The following PHLDA3 variants were observed in gnomAD, a reference collection of about 807,000 sequenced individuals.
The protein encoded by PHLDA3 is pleckstrin homology like domain family A member 3.
PHLDA3 carries 12 observed loss-of-function variants against 7.6 expected under a neutral mutation model. The ratio of observed to expected loss-of-function variants is 1.58; its 90% CI spans 1.01 to 2.55. The LOEUF (loss-of-function observed/expected upper bound fraction) is 2.55, where lower values mean the gene tolerates loss of function less well. PHLDA3 is among the 30% of genes most tolerant of loss of function. PHLDA3 has a pLI of 0.00. For synonymous variants in PHLDA3, 104 were observed against 85.1 expected, an observed-to-expected ratio of 1.22 and a Z score of -1.23; for missense variants, 177 against 175.6, an observed-to-expected ratio of 1.01 and a Z score of -0.05.
chr1:201,467,878 A>T (rs1473803518), intron 1 of PHLDA3, among the ~76,000 whole-genome samples: 1 of 152,204 alleles, frequency 6.6e-6, no homozygotes. Context: ...CAAGCATTCA[A>T]CCTAGAGGGA....
Position 201,464,599 on chromosome 1 carries a change from G to C in PHLDA3, c.*1642C>G, listed in dbSNP as rs149829747. On this transcript the variant is annotated 3_prime_UTR_variant, in exon 2 of 2. Coordinates refer to ENST00000367311, the MANE Select transcript of PHLDA3 (RefSeq NM_012396.5). ...AAAACAATTAAAGGGACTTCGAATTGCTGAATGGGGCCACTGAGCCTCCTT... is the reference window on the plus strand; with the variant it reads ...AAAACAATTAAAGGGACTTCGAATTCCTGAATGGGGCCACTGAGCCTCCTT... 8 of 152,282 alleles carry C rather than the reference G, an allele frequency of 5.3e-5. 1 individual carries two copies. The East Asian group carries it at 1.5e-3, about 29-fold the overall frequency. 9.4% of individuals were successfully genotyped at this position (152,282 alleles called of 1,614,324 possible). A position where few individuals can be genotyped will look rare whatever the true frequency, so the allele number is the denominator to read the frequency against.
rs1228247307 is a variant in PHLDA3, at chr1:201,468,894, G to A, written c.-108C>T. On this transcript the variant is annotated 5_prime_UTR_variant, in exon 1 of 2. Coordinates refer to ENST00000367311, the MANE Select transcript of PHLDA3 (RefSeq NM_012396.5). The stretch of plus-strand genomic sequence containing the variant: ...CCCGGGCTGGCAGGCCGTGCGCGCT[G>A]CCCACCTGCGCCCTGACTGCTCCGC... 2.5e-6 allele frequency: 3 copies of A among 1,206,268 alleles called. No individual in the cohort carries two copies. The highest frequency in any genetic ancestry group is 6.4e-5 in the East Asian group (2 of 31,400). The allele number at this position is 1,206,268 out of a possible 1,614,324, so 74.7% of individuals were successfully genotyped here.
In PHLDA3 at chr1:201,468,959, G is replaced by GA. The variant is rs1663756919; in HGVS notation, c.-174_-173insT. The GA allele has an allele frequency of 6.4e-6, 4 of 625,190 alleles. No individual in the cohort carries two copies. Among genetic ancestry groups the GA allele is most frequent in the South Asian group, 4.0e-5 (1 of 25,052 alleles). 38.7% of individuals were successfully genotyped at this position (625,190 alleles called of 1,614,324 possible). A position where few individuals can be genotyped will look rare whatever the true frequency, so the allele number is the denominator to read the frequency against. On this transcript the variant is annotated 5_prime_UTR_variant, in exon 1 of 2. Coordinates refer to ENST00000367311, the MANE Select transcript of PHLDA3 (RefSeq NM_012396.5). ...GCCCTCAGCACCCGGCTGCCGGTGA[G>GA]GTGGTGTCGGTGCCCCCAGCGCGCT... is the stretch of plus-strand genomic sequence containing the variant.
rs1427185361 is a variant in PHLDA3 at position 201,464,859 on chromosome 1, CTGGAGTGCAG to C, written c.*1372_*1381del. ...GCGTCTTGCTGCTTTGTCACCTAGG[CTGGAGTGCAG>C]TGGTGCCATCTCAGCTCACTGTAAC... On this transcript the variant is annotated 3_prime_UTR_variant, in exon 2 of 2. Coordinates refer to ENST00000367311, the MANE Select transcript of PHLDA3 (RefSeq NM_012396.5). 1 of 152,246 alleles carries C rather than the reference CTGGAGTGCAG, an allele frequency of 6.6e-6. No individual in the cohort carries two copies. The highest frequency in any genetic ancestry group is 1.5e-5 in the Non-Finnish European group (1 of 68,086). 9.4% of individuals were successfully genotyped at this position (152,246 alleles called of 1,614,324 possible).
chr1:201,468,221 C>T, intron 1 of PHLDA3, 120 bp downstream of exon 1: 1 of 763,584 alleles, frequency 1.3e-6, no homozygotes, highest in Non-Finnish European at 2.0e-6. Flanking sequence ...CTCAGTTGGC[C>T]CCAGGAACCT....
intron 1 of PHLDA3, among the ~76,000 whole-genome samples, chr1:201,468,065 G>T (rs1038290978): frequency 8.5e-5 from 13 of 152,338 alleles, no homozygotes; most frequent in Admixed American, 7.2e-4. Context: ...CAACTTGAAA[G>T]AAGGCTCATC....
In PHLDA3 at chr1:201,468,660, C is replaced by A; in HGVS notation, c.127G>T (p.Ala43Ser). Reference sequence around the variant, plus strand: ...TTGGGCCGGCCGCCCGTGCCCTTGGCCTCGAAGAGCTGCAGCCCGCGTTCG... The same window carrying A: ...TTGGGCCGGCCGCCCGTGCCCTTGGACTCGAAGAGCTGCAGCCCGCGTTCG... ...LTERGLQLFE[A>S]KGTGGRPKEL... Residue 43 changes from alanine to serine, a missense_variant, in exon 1 of 2, where the codon GCC becomes TCC. By Grantham distance (99) the Ala-to-Ser change is moderately conservative. Coordinates refer to ENST00000367311, the MANE Select transcript of PHLDA3 (RefSeq NM_012396.5). The A allele has an allele frequency of 6.2e-7, 1 of 1,612,736 alleles. No homozygotes were observed. The highest frequency in any genetic ancestry group is 1.1e-5 in the South Asian group (1 of 91,060).
chr1:201,468,858 G>A lies in PHLDA3; in HGVS notation c.-72C>T. ...CGCCCCTCTCGGCCCCGCAGCGCAG[G>A]ATTCTGGCGCCCCGGGCTGGCAGGC... On this transcript the variant is annotated 5_prime_UTR_variant, in exon 1 of 2. Transcript: ENST00000367311. 1 of 1,390,846 alleles carries A rather than the reference G, an allele frequency of 7.2e-7. No individual in the cohort carries two copies. The highest frequency in any genetic ancestry group is 9.3e-7 in the Non-Finnish European group (1 of 1,081,074). 86.2% of individuals were successfully genotyped at this position (1,390,846 alleles called of 1,614,324 possible).
chr1:201,466,491 A>C (rs1046014242), intron 1 of PHLDA3: 5 of 152,180 alleles, frequency 3.3e-5, no homozygotes, highest in African/African-American at 1.2e-4. Flanking sequence ...CCCCAGGCTC[A>C]CTAGGACTCT....
chr1:201,467,092 C>T (rs376646604), intron 1 of PHLDA3, among the ~76,000 whole-genome samples: 3 of 152,100 alleles, frequency 2.0e-5, no homozygotes, highest in African/African-American at 7.2e-5. Context: ...GGGCAGATTG[C>T]TTGAGCTCAG....
At chr1:201,467,306 C>T (rs1271555936) in intron 1 of PHLDA3, among the ~76,000 whole-genome samples, 3 of 151,888 alleles carry the variant, frequency 2.0e-5, no homozygotes, top group Non-Finnish European at 4.4e-5. Flanking sequence ...AGGTAGAGAT[C>T]CTGTCTCAAA....
rs979359959 is a variant in PHLDA3, at chr1:201,465,627, G to A, written c.*614C>T. On this transcript the variant is annotated 3_prime_UTR_variant, in exon 2 of 2. Coordinates refer to ENST00000367311, the MANE Select transcript of PHLDA3 (RefSeq NM_012396.5). ...GGGAAGATGCGTAGAGGTGGGGGAA[G>A]AAGTGTGCAAAGAAAGGGCCTGGAT... is the stretch of plus-strand genomic sequence containing the variant. 1.3e-5 allele frequency: 2 copies of A among 155,058 alleles called. No homozygotes were observed. Among genetic ancestry groups the A allele is most frequent in the African/African-American group, 4.8e-5 (2 of 41,546 alleles). 9.6% of individuals were successfully genotyped at this position (155,058 alleles called of 1,614,324 possible). A position where few individuals can be genotyped will look rare whatever the true frequency, so the allele number is the denominator to read the frequency against.
At position 201,468,431 on chromosome 1, in the gene PHLDA3, C is replaced by A. The variant is rs983582090; in HGVS notation, c.356G>T (p.Ser119Ile). ...GGACACGAGGGTCCCGGTCCCGAGGCTCTGCCGGGCCCGCACTGTCTGGAT... is the reference window on the plus strand; with the variant it reads ...GGACACGAGGGTCCCGGTCCCGAGGATCTGCCGGGCCCGCACTGTCTGGAT... ...QAIQTVRARQ[S>I]LGTGTLVS Residue 119 changes from serine to isoleucine, a missense_variant, in exon 1 of 2, where the codon AGC becomes ATC. By Grantham distance (142) the Ser-to-Ile change is moderately radical. Transcript: ENST00000367311. 2.5e-6 allele frequency: 4 copies of A among 1,613,916 alleles called. No homozygotes were observed. The African/African-American group carries it at 5.3e-5, about 22-fold the overall frequency.
rs970994100 is a variant in PHLDA3 at position 201,465,940 on chromosome 1, G to C, written c.*301C>G. On this transcript the variant is annotated 3_prime_UTR_variant, in exon 2 of 2. Coordinates refer to ENST00000367311, the MANE Select transcript of PHLDA3 (RefSeq NM_012396.5). ...CAGCAGGGAGGGGGCTCCTATGCCA[G>C]CTCCCCCTCATGCCATATGAGGCCA... The C allele has an allele frequency of 1.9e-5, 3 of 155,028 alleles. No individual in the cohort carries two copies. Among genetic ancestry groups the C allele is most frequent in the Non-Finnish European group, 4.4e-5 (3 of 68,382 alleles). 9.6% of individuals were successfully genotyped at this position (155,028 alleles called of 1,614,324 possible). A position where few individuals can be genotyped will look rare whatever the true frequency, so the allele number is the denominator to read the frequency against.
intron 1 of PHLDA3, chr1:201,467,639 T>TACACACAC (rs56225084): frequency 0.019 from 2,704 of 139,938 alleles, 65 homozygotes; most frequent in East Asian, 0.085. Flanking sequence ...CAACAAACCA[T>TACACACAC]ACACACACAC....
At position 201,468,889 on chromosome 1, in the gene PHLDA3, G is replaced by A; in HGVS notation, c.-103C>T. ...GGCGCCCCGGGCTGGCAGGCCGTGC[G>A]CGCTGCCCACCTGCGCCCTGACTGC... On this transcript the variant is annotated 5_prime_UTR_variant, in exon 1 of 2. Transcript: ENST00000367311. The A allele has an allele frequency of 1.6e-6, 2 of 1,285,806 alleles. No individual in the cohort carries two copies. Among genetic ancestry groups the A allele is most frequent in the Non-Finnish European group, 2.0e-6 (2 of 996,192 alleles). The allele number at this position is 1,285,806 out of a possible 1,614,324, so 79.6% of individuals were successfully genotyped here.
At position 201,468,336 on chromosome 1, in the gene PHLDA3, C is replaced by T; in HGVS notation, c.*62+5G>A. 1 of 1,573,210 alleles carries T rather than the reference C, an allele frequency of 6.4e-7. No homozygotes were observed. Among genetic ancestry groups the T allele is most frequent in the Non-Finnish European group, 8.7e-7 (1 of 1,155,002 alleles). On this transcript the variant is annotated splice_donor_5th_base_variant and intron_variant, in intron 1 of 1. Coordinates refer to ENST00000367311, the MANE Select transcript of PHLDA3 (RefSeq NM_012396.5). ...AGAAGAGGGCCCAGTCCCCCGGGGGCTTACCTGCCTTGACCTCAGCACTGA... is the reference window on the plus strand; with the variant it reads ...AGAAGAGGGCCCAGTCCCCCGGGGGTTTACCTGCCTTGACCTCAGCACTGA...
chr1:201,468,277 C>G lies in PHLDA3; in HGVS notation c.*62+64G>C, dbSNP rs1374758236. The G allele has an allele frequency of 8.0e-6, 9 of 1,119,622 alleles. No homozygotes were observed. In the South Asian group the frequency reaches 8.8e-5, roughly 11 times the overall value. The allele number at this position is 1,119,622 out of a possible 1,614,324, so 69.4% of individuals were successfully genotyped here. On this transcript the variant is annotated intron_variant, in intron 1 of 1. Coordinates refer to ENST00000367311, the MANE Select transcript of PHLDA3 (RefSeq NM_012396.5). ...CTGAAGTAGAATGCTAGTCCTCATT[C>G]TCTCTGTAGGGGAAAGAGAAGGGAG...
intron 1 of PHLDA3, 30 bp downstream of exon 1, chr1:201,468,311 A>G: frequency 7.4e-7 from 1 of 1,359,832 alleles, no homozygotes; most frequent in Non-Finnish European, 1.0e-6. Flanking sequence ...AGGGAAGGAG[A>G]GAAGAGGGCC....
Sources: gnomAD v4.1 joint callset for allele counts (sites outside exome capture counted in the v4.1 genomes callset) on GRCh38, gnomAD v4.1.1 for gene constraint, MANE v1.5 for transcripts, NCBI Gene and HGNC (gene_info 2026-07-23, HGNC 2026-07-21) for gene names.